Variants in PCDH9 observed in about 807,000 individuals in gnomAD.
PCDH9 encodes the protein protocadherin 9.
A neutral mutation model predicts 70.6 loss-of-function variants in PCDH9; 24 were observed. The ratio of observed to expected loss-of-function variants is 0.34; its 90% CI spans 0.25 to 0.48. The LOEUF (loss-of-function observed/expected upper bound fraction) is 0.48, where lower values mean the gene tolerates loss of function less well. PCDH9 is among the 20% of genes least tolerant of loss of function. PCDH9 has a pLI of 0.99. For missense variants in PCDH9, 1,281 were observed against 1,503.6 expected (o/e 0.85, Z 2.45); for synonymous variants, 562 against 558.5 (o/e 1.01, Z -0.09).
chr13:66,458,315 C>A (rs1217556315), intron 4 of PCDH9, among the ~76,000 whole-genome samples: 1 of 151,840 alleles, frequency 6.6e-6, no homozygotes, highest in East Asian at 1.9e-4. Context: ...GAAATGGAAA[C>A]TACATAGTAT....
intron 4 of PCDH9, among the ~76,000 whole-genome samples, chr13:66,451,659 A>G (rs113365065): frequency 3.9e-5 from 6 of 152,318 alleles, no homozygotes; most frequent in African/African-American, 1.4e-4. Flanking sequence ...AGAAAGATGA[A>G]ATCAATTCCC....
At chr13:66,827,868 C>T (rs937299719) in intron 3 of PCDH9, among the ~76,000 whole-genome samples, 2 of 152,082 alleles carry the variant, frequency 1.3e-5, no homozygotes, top group Non-Finnish European at 2.9e-5. Flanking sequence ...CTATGGGATA[C>T]TTAGAGATAT....
chr13:66,626,300 G>A (rs898548713), intron 4 of PCDH9, among the ~76,000 whole-genome samples: 4 of 152,176 alleles, frequency 2.6e-5, no homozygotes, highest in Non-Finnish European at 5.9e-5. Context: ...AAGTCCTTGA[G>A]GCTAGATTAC....
chr13:66,548,230 T>A (rs377180356), intron 4 of PCDH9, among the ~76,000 whole-genome samples: 1 of 152,164 alleles, frequency 6.6e-6, no homozygotes, highest in Admixed American at 6.6e-5. Context: ...CTGTAAAAAA[T>A]TTAAGTGCAA....
chr13:66,312,507 G>T (rs1345051561), intron 4 of PCDH9, among the ~76,000 whole-genome samples: 1 of 151,886 alleles, frequency 6.6e-6, no homozygotes, highest in Non-Finnish European at 1.5e-5. Flanking sequence ...GTTACTCAGG[G>T]GAACTAAGGT....
At chr13:66,896,878 G>T (rs1245700822) in intron 3 of PCDH9, among the ~76,000 whole-genome samples, 1 of 152,144 alleles carries the variant, frequency 6.6e-6, no homozygotes. Context: ...CTTCACGCAG[G>T]CTGTATATTT....
intron 3 of PCDH9, among the ~76,000 whole-genome samples, chr13:66,871,527 A>C (rs550398726): frequency 6.6e-6 from 1 of 152,234 alleles, no homozygotes; most frequent in East Asian, 1.9e-4. Context: ...TAAGATGATC[A>C]TGATGGTCTA....
chr13:67,031,271 T>C (rs759285040), intron 2 of PCDH9, among the ~76,000 whole-genome samples: 1 of 152,214 alleles, frequency 6.6e-6, no homozygotes, highest in Non-Finnish European at 1.5e-5. Context: ...AAATTATATA[T>C]AGTGAAGTAA....
At chr13:66,715,493 A>G (rs1048054519) in intron 3 of PCDH9, among the ~76,000 whole-genome samples, 3 of 152,154 alleles carry the variant, frequency 2.0e-5, no homozygotes, top group Non-Finnish European at 4.4e-5. Context: ...AGTAGTCCAT[A>G]TGTTGTATTT....
chr13:66,457,838 G>C (rs982954378), intron 4 of PCDH9, among the ~76,000 whole-genome samples: 4 of 151,868 alleles, frequency 2.6e-5, no homozygotes, highest in Non-Finnish European at 5.9e-5. Flanking sequence ...AAGTGTTGGT[G>C]ATTTTTTTGG....
intron 2 of PCDH9, among the ~76,000 whole-genome samples, chr13:66,946,472 C>T (rs2083089367): frequency 6.6e-6 from 1 of 151,962 alleles, no homozygotes; most frequent in Admixed American, 6.6e-5. Context: ...GAGTACAAGA[C>T]CAGCATGGGC....
At chr13:66,710,949 G>C (rs2078784997) in intron 3 of PCDH9, among the ~76,000 whole-genome samples, 1 of 152,074 alleles carries the variant, frequency 6.6e-6, no homozygotes, top group South Asian at 2.1e-4. Context: ...GATAATCTAA[G>C]CTAATCTCTG....
intron 4 of PCDH9, among the ~76,000 whole-genome samples, chr13:66,475,956 T>A (rs1298545905): frequency 6.6e-6 from 1 of 152,134 alleles, no homozygotes; most frequent in African/African-American, 2.4e-5. Context: ...TTGGACTTTA[T>A]CTTTTGTTGT....
chr13:66,956,456 A>T lies in PCDH9; in HGVS notation c.3037-52851T>A, dbSNP rs543227062. Among the ~76,000 whole-genome samples, 4 of 152,296 alleles carry T rather than the reference A, an allele frequency of 2.6e-5. No individual in the cohort carries two copies. In the East Asian group the frequency reaches 5.8e-4, roughly 22 times the overall value. On this transcript the variant is annotated intron_variant, in intron 2 of 4. Coordinates refer to ENST00000377865, the MANE Select transcript of PCDH9 (RefSeq NM_203487.3). ...CCATAGCTGTGACTTCAGTATTACA[A>T]GTAGGAATTTGGCCAGGTGCGGTGG...
intron 3 of PCDH9, among the ~76,000 whole-genome samples, chr13:66,649,627 ACTT>A (rs35901705): frequency 0.14 from 20,980 of 151,976 alleles, 1,888 homozygotes; most frequent in Non-Finnish European, 0.2. Flanking sequence ...AAGATACAAA[ACTT>A]ACTGGTAATA....
At chr13:66,526,433 C>G (rs1246838100) in intron 4 of PCDH9, among the ~76,000 whole-genome samples, 1 of 151,978 alleles carries the variant, frequency 6.6e-6, no homozygotes, top group Admixed American at 6.6e-5. Context: ...AGAAATTTTG[C>G]TGAGCTAAAA....
At chr13:67,169,852 A>T (rs1046178459) in intron 2 of PCDH9, among the ~76,000 whole-genome samples, 1 of 152,112 alleles carries the variant, frequency 6.6e-6, no homozygotes, top group Non-Finnish European at 1.5e-5. Flanking sequence ...TTGCTAAAAG[A>T]CTCACATGAG....
At chr13:66,763,766 A>G (rs573890534) in intron 3 of PCDH9, among the ~76,000 whole-genome samples, 2 of 152,028 alleles carry the variant, frequency 1.3e-5, no homozygotes, top group South Asian at 2.1e-4. Flanking sequence ...TTAATAGTAT[A>G]CCTTCACAAC....
intron 2 of PCDH9, among the ~76,000 whole-genome samples, chr13:67,066,129 T>G (rs1377953574): frequency 1.3e-5 from 2 of 152,214 alleles, no homozygotes; most frequent in African/African-American, 2.4e-5. Flanking sequence ...AGTTCAGGGT[T>G]GTTTCTCATA....
Sources: allele counts gnomAD v4.1 joint callset (sites outside exome capture counted in the v4.1 genomes callset), GRCh38; gene constraint gnomAD v4.1.1; transcripts MANE v1.5; gene names NCBI Gene and HGNC (gene_info 2026-07-23, HGNC 2026-07-21).